Variants in SEMA3A observed in about 807,000 individuals in gnomAD.
The protein encoded by SEMA3A is semaphorin 3A, also known as semaphorin-3A.
A neutral mutation model predicts 97.9 loss-of-function variants in SEMA3A; 29 were observed. That is an observed-to-expected ratio of 0.30 (90% CI 0.22 to 0.40). The LOEUF (loss-of-function observed/expected upper bound fraction) is 0.40, where lower values mean the gene tolerates loss of function less well. SEMA3A is among the 10% of genes least tolerant of loss of function. SEMA3A has a pLI of 1.00. For synonymous variants in SEMA3A, 321 were observed against 323.7 expected, an observed-to-expected ratio of 0.99 and a Z score of 0.09; for missense variants, 763 against 951.3, an observed-to-expected ratio of 0.80 and a Z score of 2.60.
At chr7:83,990,569 A>AT (rs949231984) in intron 12 of SEMA3A, among the ~76,000 whole-genome samples, 6 of 120,826 alleles carry the variant, frequency 5.0e-5, no homozygotes, top group African/African-American at 9.6e-5. Flanking sequence ...CATTTATTAA[A>AT]TAGGGAATCC....
At chr7:84,298,242 C>G (rs999729817) in intron 3 of SEMA3A, among the ~76,000 whole-genome samples, 1 of 151,962 alleles carries the variant, frequency 6.6e-6, no homozygotes. Context: ...TTAAATAAAC[C>G]TATGAAAATT....
At chr7:84,203,526 A>ATTTTTTTTTTTT (rs35519031) in intron 3 of SEMA3A, among the ~76,000 whole-genome samples, 1 of 25,674 alleles carries the variant, frequency 3.9e-5, no homozygotes, top group Non-Finnish European at 7.1e-5. Flanking sequence ...ATATATATAT[A>ATTTTTTTTTTTT]TTTTTTTTTT....
intron 15 of SEMA3A, among the ~76,000 whole-genome samples, chr7:83,966,657 T>C (rs1788703770): frequency 6.6e-6 from 1 of 152,206 alleles, no homozygotes; most frequent in Non-Finnish European, 1.5e-5. Context: ...GATTCTCCTA[T>C]TTTATATTTT....
intron 4 of SEMA3A, among the ~76,000 whole-genome samples, chr7:84,107,168 G>A (rs893527296): frequency 1.3e-5 from 2 of 151,990 alleles, no homozygotes; most frequent in South Asian, 2.1e-4. Context: ...TCACTCTCCC[G>A]ATCTATTACT....
intron 2 of SEMA3A, among the ~76,000 whole-genome samples, chr7:84,316,080 C>G (rs1801490443): frequency 7.3e-6 from 1 of 136,380 alleles, no homozygotes; most frequent in South Asian, 2.3e-4. Flanking sequence ...TTTCTGGTGC[C>G]CAGAAGTTCA....
chr7:84,458,189 G>A (rs1185555730), intron 1 of SEMA3A, among the ~76,000 whole-genome samples: 1 of 151,926 alleles, frequency 6.6e-6, no homozygotes, highest in African/African-American at 2.4e-5. Flanking sequence ...TTGTGATATG[G>A]CATGCCTCAT....
chr7:84,273,781 C>T (rs924453019), intron 3 of SEMA3A, among the ~76,000 whole-genome samples: 1 of 152,038 alleles, frequency 6.6e-6, no homozygotes, highest in African/African-American at 2.4e-5. Flanking sequence ...CTTTGTCCTG[C>T]TCTATTTTTT....
At chr7:84,116,828 C>T (rs968978193) in intron 3 of SEMA3A, among the ~76,000 whole-genome samples, 3 of 152,290 alleles carry the variant, frequency 2.0e-5, no homozygotes, top group East Asian at 3.9e-4. Context: ...AGAACTAGAA[C>T]ATAAATTTCT....
At chr7:84,481,149 C>T (rs1382515072) in intron 1 of SEMA3A, among the ~76,000 whole-genome samples, 1 of 152,034 alleles carries the variant, frequency 6.6e-6, no homozygotes, top group African/African-American at 2.4e-5. Context: ...TTTCTAGCTC[C>T]AAAGGCTTCT....
At chr7:84,010,746 A>ACTC (rs372103327) in intron 9 of SEMA3A, among the ~76,000 whole-genome samples, 137 of 152,022 alleles carry the variant, frequency 9.0e-4, no homozygotes, top group African/African-American at 2.9e-3. Context: ...ATAATAATGT[A>ACTC]AAAGGTTTAA....
At chr7:84,339,307 T>C (rs1802108795) in intron 2 of SEMA3A, among the ~76,000 whole-genome samples, 1 of 152,220 alleles carries the variant, frequency 6.6e-6, no homozygotes, top group African/African-American at 2.4e-5. Context: ...AATTAGAGAC[T>C]GCTTGTGCAA....
intron 14 of SEMA3A, among the ~76,000 whole-genome samples, chr7:83,977,938 G>A (rs1789230099): frequency 6.6e-6 from 1 of 151,344 alleles, no homozygotes; most frequent in Non-Finnish European, 1.5e-5. Flanking sequence ...TGAGTAGCTG[G>A]GACTACAGGC....
chr7:84,071,305 C>T (rs939728633), intron 4 of SEMA3A, among the ~76,000 whole-genome samples: 1 of 151,976 alleles, frequency 6.6e-6, no homozygotes, highest in Non-Finnish European at 1.5e-5. Context: ...CTTAACAGCA[C>T]ACAATATAGA....
At chr7:84,405,068 C>T (rs1045200471) in intron 1 of SEMA3A, among the ~76,000 whole-genome samples, 3 of 151,266 alleles carry the variant, frequency 2.0e-5, no homozygotes, top group South Asian at 2.1e-4. Context: ...TGTAAATGGG[C>T]TAAATGCTCC....
chr7:84,092,809 G>A (rs1020276415), intron 4 of SEMA3A, among the ~76,000 whole-genome samples: 2 of 151,730 alleles, frequency 1.3e-5, no homozygotes, highest in African/African-American at 4.9e-5. Context: ...CTATTTCTTT[G>A]CTAACTTACT....
chr7:84,211,283 T>G (rs566382435), intron 3 of SEMA3A, among the ~76,000 whole-genome samples: 1 of 151,976 alleles, frequency 6.6e-6, no homozygotes, highest in African/African-American at 2.4e-5. Context: ...TGGTGAAAGG[T>G]TGCGTAAAGA....
chr7:84,381,089 G>A (rs536632644), intron 1 of SEMA3A, among the ~76,000 whole-genome samples: 40 of 152,244 alleles, frequency 2.6e-4, no homozygotes, highest in Non-Finnish European at 5.3e-4. Flanking sequence ...CCTACATATA[G>A]GATGGAATAA....
chr7:84,410,235 C>T (rs905924574), intron 1 of SEMA3A, among the ~76,000 whole-genome samples: 22 of 152,042 alleles, frequency 1.4e-4, no homozygotes, highest in African/African-American at 5.3e-4. Context: ...CAATAATTTA[C>T]ATGTATTTTA....
At chr7:84,486,016 GA>G (rs1281017261) in intron 1 of SEMA3A, among the ~76,000 whole-genome samples, 1 of 152,108 alleles carries the variant, frequency 6.6e-6, no homozygotes, top group African/African-American at 2.4e-5. Context: ...ATTAGACTCA[GA>G]AAAATGTTTA....
Sources: allele counts gnomAD v4.1 joint callset (sites outside exome capture counted in the v4.1 genomes callset), GRCh38; gene constraint gnomAD v4.1.1; transcripts MANE v1.5; gene names NCBI Gene and HGNC (gene_info 2026-07-23, HGNC 2026-07-21).